Variants in LRRC8C observed in about 807,000 individuals in gnomAD.
LRRC8C encodes leucine rich repeat containing 8 VRAC subunit C.
LRRC8C carries 20 observed loss-of-function variants against 55.3 expected under a neutral mutation model. The ratio of observed to expected loss-of-function variants is 0.36; its 90% CI spans 0.25 to 0.53. LRRC8C has a LOEUF of 0.53. LRRC8C is among the 20% of genes least tolerant of loss of function. The probability of loss-of-function intolerance (pLI) is 0.92; values close to 1 mark genes in which losing one functional copy is unlikely to be tolerated. For missense variants in LRRC8C, 659 were observed against 951.4 expected, an observed-to-expected ratio of 0.69 and a Z score of 4.04; for synonymous variants, 376 against 360.7, an observed-to-expected ratio of 1.04 and a Z score of -0.48.
chr1:89,622,691 T>C, the LRRC8C span, among the ~76,000 whole-genome samples: 5 of 152,166 alleles, frequency 3.3e-5, no homozygotes, highest in African/African-American at 1.2e-4. Flanking sequence ...CAAATGTTAA[T>C]CAGCTACCTT....
intron 1 of LRRC8C, among the ~76,000 whole-genome samples, chr1:89,663,887 GC>G (rs1355427164): frequency 1.3e-5 from 2 of 152,122 alleles, no homozygotes; most frequent in Non-Finnish European, 2.9e-5. Context: ...GTGATGATGA[GC>G]TTTTTTTCAT....
upstream of LRRC8C, among the ~76,000 whole-genome samples, chr1:89,629,052 T>C (rs982395777): frequency 6.6e-6 from 1 of 152,224 alleles, no homozygotes; most frequent in Admixed American, 6.5e-5. Flanking sequence ...AACTGCCATT[T>C]TGGGATCAAG....
rs1041421694 is a variant in LRRC8C at position 89,715,193 on chromosome 1, T to C, written c.*211T>C. 1 of 348,884 alleles carries C rather than the reference T, an allele frequency of 2.9e-6. No homozygotes were observed. The highest frequency in any genetic ancestry group is 5.1e-6 in the Non-Finnish European group (1 of 197,218). 21.6% of individuals were successfully genotyped at this position (348,884 alleles called of 1,614,324 possible). ...TTTATTTGTCTTGAAACACAATGTA[T>C]CTATTATCTACTGACAGAAAGAGAT... On this transcript the variant is annotated 3_prime_UTR_variant, in exon 3 of 3. Coordinates refer to ENST00000370454, the MANE Select transcript of LRRC8C (RefSeq NM_032270.5).
At chr1:89,696,626 G>A (rs545760494) in intron 2 of LRRC8C, among the ~76,000 whole-genome samples, 1 of 152,262 alleles carries the variant, frequency 6.6e-6, no homozygotes, top group South Asian at 2.1e-4. Flanking sequence ...CTTCAAACCT[G>A]TTGTGTCACA....
chr1:89,662,307 C>T (rs761560838), intron 1 of LRRC8C, among the ~76,000 whole-genome samples: 3 of 152,102 alleles, frequency 2.0e-5, no homozygotes, highest in East Asian at 3.8e-4. Context: ...TGGAGCAAAG[C>T]GAGTGTGCAG....
At chr1:89,709,065 G>T (rs1248532508) in intron 2 of LRRC8C, among the ~76,000 whole-genome samples, 1 of 152,186 alleles carries the variant, frequency 6.6e-6, no homozygotes, top group Non-Finnish European at 1.5e-5. Flanking sequence ...CTTCATGAAG[G>T]AATGAAAGGG....
chr1:89,621,602 G>A, the LRRC8C span, among the ~76,000 whole-genome samples: 1 of 152,212 alleles, frequency 6.6e-6, no homozygotes, highest in Non-Finnish European at 1.5e-5. Flanking sequence ...TGTAGCCTAG[G>A]CAGCATCACA....
the LRRC8C span, among the ~76,000 whole-genome samples, chr1:89,622,094 T>C: frequency 6.6e-6 from 1 of 151,918 alleles, no homozygotes; most frequent in Non-Finnish European, 1.5e-5. Context: ...GGGGAAAAAA[T>C]GACATTTTCC....
At position 89,680,479 on chromosome 1, in the gene LRRC8C, CTGGT is replaced by C. The variant is rs575403115; in HGVS notation, c.-4-5990_-4-5987del. On this transcript the variant is annotated intron_variant, in intron 1 of 2. Transcript: ENST00000370454. ...TTTTTTGTAATAGTTTTTTTTTTTT[CTGGT>C]CTGGAGATGGCCACAGGATATTTGA... 2.0e-3 allele frequency among the ~76,000 whole-genome samples: 273 copies of C among 136,238 alleles called. 2 individuals carry two copies. The highest frequency in any genetic ancestry group is 7.1e-3 in the African/African-American group (258 of 36,302). The allele number at this position is 136,238 out of a possible 152,430, so 89.4% of individuals were successfully genotyped here.
chr1:89,706,508 C>T (rs1302645398), intron 2 of LRRC8C: 2 of 334,774 alleles, frequency 6.0e-6, no homozygotes, highest in Non-Finnish European at 1.2e-5. Context: ...AAATAACATA[C>T]ATCATACAAA....
At chr1:89,618,350 G>A in the LRRC8C span, among the ~76,000 whole-genome samples, 1 of 152,344 alleles carries the variant, frequency 6.6e-6, no homozygotes, top group South Asian at 2.1e-4. Flanking sequence ...CTCCTACTGA[G>A]ATTTACAAAC....
chr1:89,627,604 T>C, the LRRC8C span, among the ~76,000 whole-genome samples: 1 of 152,178 alleles, frequency 6.6e-6, no homozygotes, highest in Non-Finnish European at 1.5e-5. Flanking sequence ...AAATAACTGA[T>C]GGGTTCCATT....
intron 1 of LRRC8C, among the ~76,000 whole-genome samples, chr1:89,663,647 A>G (rs1287591490): frequency 1.3e-5 from 2 of 152,062 alleles, no homozygotes; most frequent in African/African-American, 2.4e-5. Context: ...AGACCCAGTA[A>G]TGGGATTGCT....
chr1:89,673,438 GC>G (rs764601123), intron 1 of LRRC8C, among the ~76,000 whole-genome samples: 1 of 152,130 alleles, frequency 6.6e-6, no homozygotes, highest in Non-Finnish European at 1.5e-5. Context: ...ACCTCATCTG[GC>G]TCCAAGCCAG....
chr1:89,686,569 A>T lies in LRRC8C; in HGVS notation c.96A>T (p.Ser32=), dbSNP rs1657888748. ...PWWDVFTDYL[S]VAMLMIGVFG... is the part of the protein sequence containing the mutation. The stretch of plus-strand genomic sequence containing the variant: ...GGGATGTGTTTACCGATTACCTCTC[A>T]GTAGCCATGCTCATGATCGGCGTGT... The change falls in exon 2 of 3, where the codon TCA becomes TCT. Residue 32 remains serine, a synonymous_variant. Coordinates refer to ENST00000370454, the MANE Select transcript of LRRC8C (RefSeq NM_032270.5). The T allele has an allele frequency of 6.2e-7, 1 of 1,614,076 alleles. No individual in the cohort carries two copies. Among genetic ancestry groups the T allele is most frequent in the African/African-American group, 1.3e-5 (1 of 74,916 alleles).
intron 1 of LRRC8C, among the ~76,000 whole-genome samples, chr1:89,662,533 T>C (rs1278699117): frequency 6.6e-6 from 1 of 152,156 alleles, no homozygotes; most frequent in Non-Finnish European, 1.5e-5. Context: ...GATATTGCAA[T>C]AATCTTGCAA....
the LRRC8C span, among the ~76,000 whole-genome samples, chr1:89,620,357 T>A: frequency 6.6e-6 from 1 of 151,998 alleles, no homozygotes; most frequent in African/African-American, 2.4e-5. Flanking sequence ...GAAAAGAAAG[T>A]GTGAGAAAAA....
intron 1 of LRRC8C, among the ~76,000 whole-genome samples, chr1:89,676,767 T>G (rs1463525279): frequency 6.6e-6 from 1 of 152,204 alleles, no homozygotes; most frequent in Admixed American, 6.5e-5. Context: ...GAAACAATAA[T>G]CAACCCCATT....
At chr1:89,683,461 G>C (rs534437818) in intron 1 of LRRC8C, among the ~76,000 whole-genome samples, 2 of 151,534 alleles carry the variant, frequency 1.3e-5, no homozygotes, top group Non-Finnish European at 2.9e-5. Context: ...AAGTTGAAGC[G>C]ATTCTCCTGC....
Sources: allele counts gnomAD v4.1 joint callset (sites outside exome capture counted in the v4.1 genomes callset), GRCh38; gene constraint gnomAD v4.1.1; transcripts MANE v1.5; gene names NCBI Gene and HGNC (gene_info 2026-07-23, HGNC 2026-07-21).